The following MYO5B variants were observed in gnomAD, a reference collection of about 807,000 sequenced individuals.
MYO5B encodes the protein unconventional myosin-Vb.
A neutral mutation model predicts 229.3 loss-of-function variants in MYO5B; 143 were observed. That is an observed-to-expected ratio of 0.62 (90% CI 0.54 to 0.72). The LOEUF (loss-of-function observed/expected upper bound fraction) is 0.72. MYO5B is among the 30% of genes least tolerant of loss of function. The pLI is 0.00. For missense variants in MYO5B, 2,321 were observed against 2,331.0 expected, an observed-to-expected ratio of 1.00 and a Z score of 0.09; for synonymous variants, 918 against 885.2, an observed-to-expected ratio of 1.04 and a Z score of -0.66.
intron 1 of MYO5B, among the ~76,000 whole-genome samples, chr18:50,088,245 A>C (rs1279659382): frequency 6.6e-6 from 1 of 152,186 alleles, no homozygotes; most frequent in Non-Finnish European, 1.5e-5. Flanking sequence ...GCTTGCAGAG[A>C]GGACTTCATG....
intron 36 of MYO5B, among the ~76,000 whole-genome samples, chr18:49,838,251 AC>A (rs1369840525): frequency 6.6e-6 from 1 of 152,162 alleles, no homozygotes; most frequent in Non-Finnish European, 1.5e-5. Context: ...ATAAAGTACT[AC>A]CCATTTTTAT....
At chr18:50,190,581 G>C (rs935587863) in intron 1 of MYO5B, among the ~76,000 whole-genome samples, 5 of 151,888 alleles carry the variant, frequency 3.3e-5, no homozygotes, top group African/African-American at 1.2e-4. Flanking sequence ...TCTGAGAACA[G>C]GAGTGTCTCT....
intron 1 of MYO5B, among the ~76,000 whole-genome samples, chr18:50,154,150 T>C (rs2032643445): frequency 1.3e-5 from 2 of 151,444 alleles, no homozygotes; most frequent in Non-Finnish European, 3.0e-5. Flanking sequence ...AGGTGGTATG[T>C]GCCCAGAGAA....
At chr18:49,869,599 C>T (rs1373421564) in intron 27 of MYO5B, among the ~76,000 whole-genome samples, 2 of 152,242 alleles carry the variant, frequency 1.3e-5, no homozygotes, top group East Asian at 1.9e-4. Flanking sequence ...GCAGTGGAGA[C>T]GAGGCCTGTA....
chr18:49,879,271 T>C, intron 23 of MYO5B, 181 bp from the exon 24 acceptor site: 1 of 708,714 alleles, frequency 1.4e-6, no homozygotes, highest in South Asian at 1.7e-5. Context: ...TTACTCTGGC[T>C]TAGTCTTCAG....
chr18:50,004,219 G>A (rs1474104779), intron 4 of MYO5B, among the ~76,000 whole-genome samples: 3 of 152,188 alleles, frequency 2.0e-5, no homozygotes, highest in Non-Finnish European at 4.4e-5. Flanking sequence ...CACGTGACAA[G>A]TGTCAAGAAT....
At position 49,894,945 on chromosome 18, in the gene MYO5B, C is replaced by T. The variant is rs1267686750; in HGVS notation, c.3041G>A (p.Arg1014Lys). 4 of 1,612,584 alleles carry T rather than the reference C, an allele frequency of 2.5e-6. No homozygotes were observed. Among genetic ancestry groups the T allele is most frequent in the Non-Finnish European group, 3.4e-6 (4 of 1,179,990 alleles). The change falls in exon 22 of 40, where the codon AGG (arginine) becomes AAG (lysine). Residue 1014 changes from arginine (R) to lysine (K), a missense_variant. Transcript: ENST00000285039. The part of the protein sequence containing the change: ...DAHSREKDEL[R>K]KRVADLEQEN... The stretch of plus-strand genomic sequence containing the variant: ...GCCCCTCTGGCCTGAGCATACCTTC[C>T]TCAGCTCATCTTTCTCCCTGCTGTG...
intron 1 of MYO5B, among the ~76,000 whole-genome samples, chr18:50,076,973 T>C (rs988473247): frequency 1.3e-5 from 2 of 151,962 alleles, no homozygotes; most frequent in Non-Finnish European, 2.9e-5. Context: ...TTTGGCAATG[T>C]TTCCTCATTA....
chr18:50,144,324 A>C (rs2032465635), intron 1 of MYO5B, among the ~76,000 whole-genome samples: 1 of 152,144 alleles, frequency 6.6e-6, no homozygotes, highest in Non-Finnish European at 1.5e-5. Context: ...CTGCCAACTC[A>C]AGACTGCCTT....
chr18:50,041,648 A>G (rs1180103775), intron 2 of MYO5B, among the ~76,000 whole-genome samples: 2 of 152,232 alleles, frequency 1.3e-5, no homozygotes, highest in African/African-American at 4.8e-5. Context: ...TCTTACCAAA[A>G]TAAGTTTAGA....
intron 37 of MYO5B, 126 bp downstream of exon 37, chr18:49,837,391 T>G (rs1210822575): frequency 2.5e-6 from 3 of 1,179,292 alleles, no homozygotes; most frequent in Non-Finnish European, 2.5e-6. Context: ...CACAGACTGA[T>G]GGAGACAAGG....
At chr18:50,136,015 T>G (rs1340384843) in intron 1 of MYO5B, among the ~76,000 whole-genome samples, 3 of 152,260 alleles carry the variant, frequency 2.0e-5, no homozygotes, top group Non-Finnish European at 4.4e-5. Flanking sequence ...TGAAGTAGTT[T>G]GCCCATGGTC....
At chr18:50,181,494 G>T (rs538259148) in intron 1 of MYO5B, among the ~76,000 whole-genome samples, 15 of 152,338 alleles carry the variant, frequency 9.8e-5, no homozygotes, top group African/African-American at 3.4e-4. Context: ...CAGCTTAGTT[G>T]TGTGAATAAC....
Position 49,907,266 on chromosome 18 carries a change from G to T in MYO5B, c.2203-636C>A, listed in dbSNP as rs141374059. On this transcript the variant is annotated intron_variant, in intron 18 of 39. Transcript: ENST00000285039. Reference sequence around the variant, plus strand: ...ACAGGCAAGCTTTGAGCAAGGAAATGACCTGATCTGATCAACATTTTAAAA... The same window carrying T: ...ACAGGCAAGCTTTGAGCAAGGAAATTACCTGATCTGATCAACATTTTAAAA... Among the ~76,000 whole-genome samples, 231 of 152,294 alleles carry T rather than the reference G, an allele frequency of 1.5e-3. 1 individual carries two copies. Among genetic ancestry groups the T allele is most frequent in the Middle Eastern group, 6.8e-3 (2 of 294 alleles).
chr18:50,066,142 A>T lies in MYO5B; in HGVS notation c.28-10764T>A, dbSNP rs563248541. On this transcript the variant is annotated intron_variant, in intron 1 of 39. Transcript: ENST00000285039. The stretch of plus-strand genomic sequence containing the variant: ...GGACATGGTCAAAACTCCATGATAA[A>T]AATATCAGATTTACAGATGGAGTGT... Among the ~76,000 whole-genome samples, 7 of 152,342 alleles carry T rather than the reference A, an allele frequency of 4.6e-5. No individual in the cohort carries two copies. The South Asian group carries it at 1.5e-3, about 32-fold the overall frequency.
chr18:50,177,802 T>C (rs1259138771), intron 1 of MYO5B, among the ~76,000 whole-genome samples: 2 of 152,170 alleles, frequency 1.3e-5, no homozygotes, highest in Admixed American at 1.3e-4. Context: ...GAGACTGACA[T>C]GCAAGGCAGG....
At chr18:49,956,280 CT>C (rs890592398) in intron 12 of MYO5B, among the ~76,000 whole-genome samples, 6 of 152,214 alleles carry the variant, frequency 3.9e-5, no homozygotes, top group Non-Finnish European at 8.8e-5. Context: ...TCATTTAACC[CT>C]CATACAATCA....
At chr18:49,936,972 G>A (rs777712154) in intron 15 of MYO5B, among the ~76,000 whole-genome samples, 4 of 152,100 alleles carry the variant, frequency 2.6e-5, no homozygotes, top group Non-Finnish European at 5.9e-5. Flanking sequence ...CCCACACTAG[G>A]TGTCTTTGGC....
intron 25 of MYO5B, among the ~76,000 whole-genome samples, chr18:49,877,004 A>AC (rs529517380): frequency 5.3e-4 from 81 of 152,334 alleles, no homozygotes; most frequent in African/African-American, 1.8e-3. Flanking sequence ...CGGCTCAGTC[A>AC]CCACTGTTTC....
Sources: gnomAD v4.1 joint callset for allele counts (sites outside exome capture counted in the v4.1 genomes callset) on GRCh38, gnomAD v4.1.1 for gene constraint, MANE v1.5 for transcripts, NCBI Gene and HGNC (gene_info 2026-07-23, HGNC 2026-07-21) for gene names.